The following BST1 variants were observed in gnomAD, a reference collection of about 807,000 sequenced individuals.
BST1 encodes the protein ADP-ribosyl cyclase/cyclic ADP-ribose hydrolase 2.
A neutral mutation model predicts 40.6 loss-of-function variants in BST1; 49 were observed. The ratio of observed to expected loss-of-function variants is 1.21; its 90% CI spans 0.96 to 1.53. The LOEUF (loss-of-function observed/expected upper bound fraction) is 1.53. Among genes scored for constraint, BST1 ranks in the 40% most tolerant of loss-of-function variants. The pLI, the probability that BST1 is intolerant of heterozygous loss-of-function variation, is 0.00. For missense variants in BST1, 423 were observed against 395.9 expected (o/e 1.07, Z -0.58); for synonymous variants, 157 against 159.3 (o/e 0.99, Z 0.11).
intron 4 of BST1, 50 bp downstream of exon 4, chr4:15,711,939 A>C: frequency 6.6e-7 from 1 of 1,509,860 alleles, no homozygotes; most frequent in Middle Eastern, 1.7e-4. Flanking sequence ...GGACCCATAG[A>C]GATGGAACAT....
At chr4:15,742,059 C>T (rs1188741246), downstream of BST1, among the ~76,000 whole-genome samples, 1 of 152,148 alleles carries the variant, frequency 6.6e-6, no homozygotes, top group Non-Finnish European at 1.5e-5. Context: ...GTGACAAGCC[C>T]AGAAGCAGTT....
the BST1 span, among the ~76,000 whole-genome samples, chr4:15,759,530 T>C: frequency 6.6e-6 from 1 of 151,890 alleles, no homozygotes; most frequent in African/African-American, 2.4e-5. Flanking sequence ...TCTATTTTCA[T>C]TTTTCTTCTT....
chr4:15,707,442 T>C (rs909612891), intron 2 of BST1, 69 bp from the exon 3 acceptor site: 6 of 1,601,262 alleles, frequency 3.7e-6, no homozygotes, highest in Non-Finnish European at 4.3e-6. Flanking sequence ...CTTGCCTTGA[T>C]GATATTGTGC....
At chr4:15,766,326 G>A in the BST1 span, among the ~76,000 whole-genome samples, 1 of 151,940 alleles carries the variant, frequency 6.6e-6, no homozygotes, top group Non-Finnish European at 1.5e-5. Flanking sequence ...AACTGGATGA[G>A]GGAGGTGGGG....
chr4:15,720,412 T>C (rs923451070), intron 7 of BST1, among the ~76,000 whole-genome samples: 128 of 150,714 alleles, frequency 8.5e-4, no homozygotes, highest in Non-Finnish European at 2.2e-4. Flanking sequence ...AGGTCAGGAG[T>C]TCGAGACCAG....
intron 1 of BST1, among the ~76,000 whole-genome samples, chr4:15,703,751 G>GGT (rs758476346): frequency 1.5e-4 from 22 of 144,312 alleles, no homozygotes; most frequent in African/African-American, 4.9e-4. Flanking sequence ...AGAGGTGAGG[G>GGT]GTGTGTGTGT....
the BST1 span, among the ~76,000 whole-genome samples, chr4:15,748,723 A>G: frequency 1.3e-5 from 2 of 152,084 alleles, no homozygotes; most frequent in African/African-American, 4.8e-5. Flanking sequence ...ACTTCACACT[A>G]CACCCGAGTT....
At chr4:15,765,602 T>G in the BST1 span, among the ~76,000 whole-genome samples, 3 of 152,048 alleles carry the variant, frequency 2.0e-5, no homozygotes, top group African/African-American at 7.3e-5. Flanking sequence ...TTGTTCTTCC[T>G]GTGCCATGCA....
intron 6 of BST1, among the ~76,000 whole-genome samples, 183 bp from the exon 7 acceptor site, chr4:15,718,724 G>A (rs150139484): frequency 5.9e-5 from 9 of 152,288 alleles, no homozygotes; most frequent in East Asian, 3.9e-4. Flanking sequence ...TCAGAGCATC[G>A]TCTCTTGGGT....
At chr4:15,703,632 G>GT (rs1412170112) in intron 1 of BST1, among the ~76,000 whole-genome samples, 36,695 of 132,618 alleles carry the variant, frequency 0.28, 5,930 homozygotes, top group East Asian at 0.39. Flanking sequence ...GAGGTGAGGG[G>GT]GGTGTGTGTG....
chr4:15,734,075 G>C (rs964625264), downstream of BST1, among the ~76,000 whole-genome samples: 1 of 152,204 alleles, frequency 6.6e-6, no homozygotes, highest in African/African-American at 2.4e-5. Flanking sequence ...CCAAATGTGA[G>C]AGCTGCCGCA....
the BST1 span, among the ~76,000 whole-genome samples, chr4:15,755,497 T>C: frequency 6.6e-6 from 1 of 152,208 alleles, no homozygotes; most frequent in East Asian, 1.9e-4. Flanking sequence ...ATCTTTCATG[T>C]GGGCAGAGAT....
chr4:15,707,855 C>CTCTATA (rs544633858), intron 3 of BST1, among the ~76,000 whole-genome samples: 1,669 of 128,302 alleles, frequency 0.013, 9 homozygotes, highest in Middle Eastern at 0.035. Context: ...CTCTCTCTCT[C>CTCTATA]TATATATATA....
chr4:15,704,100 G>GGT (rs138135041), intron 1 of BST1, among the ~76,000 whole-genome samples: 2 of 140,594 alleles, frequency 1.4e-5, no homozygotes, highest in African/African-American at 2.7e-5. Flanking sequence ...AGAGGTGACA[G>GGT]GTGTGTGTGT....
At chr4:15,758,373 A>G in the BST1 span, among the ~76,000 whole-genome samples, 1 of 152,016 alleles carries the variant, frequency 6.6e-6, no homozygotes, top group Non-Finnish European at 1.5e-5. Flanking sequence ...TTTAGCTTTC[A>G]CTTAAACGTG....
chr4:15,715,497 A>G (rs1181679008), intron 5 of BST1, 136 bp downstream of exon 5: 10 of 943,140 alleles, frequency 1.1e-5, no homozygotes, highest in African/African-American at 1.7e-5. Context: ...AGCAAAACAG[A>G]TGAATGACCT....
chr4:15,719,337 C>A (rs556008855), intron 7 of BST1, among the ~76,000 whole-genome samples: 2 of 151,968 alleles, frequency 1.3e-5, no homozygotes, highest in East Asian at 3.9e-4. Flanking sequence ...CTGTGGGATC[C>A]CTGTGCATGA....
At chr4:15,766,009 A>C in the BST1 span, among the ~76,000 whole-genome samples, 1 of 152,016 alleles carries the variant, frequency 6.6e-6, no homozygotes, top group Non-Finnish European at 1.5e-5. Flanking sequence ...AAATGGCTGA[A>C]TAAGGGGATG....
intron 8 of BST1, among the ~76,000 whole-genome samples, chr4:15,728,260 T>C (rs1375690826): frequency 6.6e-6 from 1 of 152,096 alleles, no homozygotes; most frequent in East Asian, 1.9e-4. Flanking sequence ...AGGTTTCAAA[T>C]GAAATAAACA....
Sources: allele counts gnomAD v4.1 joint callset (sites outside exome capture counted in the v4.1 genomes callset), GRCh38; gene constraint gnomAD v4.1.1; transcripts MANE v1.5; gene names NCBI Gene and HGNC (gene_info 2026-07-23, HGNC 2026-07-21).